Variants in HLF observed in about 807,000 individuals in gnomAD.
HLF encodes the protein HLF transcription factor, PAR bZIP family member.
A neutral mutation model predicts 22.6 loss-of-function variants in HLF; 3 were observed. The observed-to-expected ratio is 0.13, with a 90% confidence interval of 0.06 to 0.34. HLF has a LOEUF of 0.34. HLF is among the 10% of genes least tolerant of loss of function. The pLI, the probability that HLF is intolerant of heterozygous loss-of-function variation, is 1.00. For missense variants in HLF, 299 were observed against 389.2 expected, an observed-to-expected ratio of 0.77 and a Z score of 1.95; for synonymous variants, 151 against 151.8, an observed-to-expected ratio of 0.99 and a Z score of 0.04.
At chr17:55,271,597 T>C (rs1821148166) in intron 2 of HLF, 2 of 152,228 alleles carry the variant, frequency 1.3e-5, no homozygotes, top group Admixed American at 1.3e-4. Context: ...TGACACAATC[T>C]TGGCTCGCTG....
intron 2 of HLF, among the ~76,000 whole-genome samples, chr17:55,278,380 G>T (rs1484590078): frequency 6.6e-6 from 1 of 152,166 alleles, no homozygotes; most frequent in Non-Finnish European, 1.5e-5. Context: ...ATTAGCTCTG[G>T]GTAACAGTCT....
At position 55,314,591 on chromosome 17, in the gene HLF, T is replaced by C. The variant is rs747095079; in HGVS notation, c.452-636T>C. Among the ~76,000 whole-genome samples, 17 of 152,300 alleles carry C rather than the reference T, an allele frequency of 1.1e-4. No homozygotes were observed. The East Asian group carries it at 2.9e-3, about 26-fold the overall frequency. ...GTGCTTGCACCTCTCCCCACTCTGT[T>C]TTCTTCTGATTCAATGTGACAGCTA... is the stretch of plus-strand genomic sequence containing the variant. On this transcript the variant is annotated intron_variant, in intron 2 of 3. Transcript: ENST00000226067.
At chr17:55,274,128 G>GA (rs910353618) in intron 2 of HLF, among the ~76,000 whole-genome samples, 2 of 151,988 alleles carry the variant, frequency 1.3e-5, no homozygotes, top group African/African-American at 4.8e-5. Context: ...GAGGTGGGAA[G>GA]AAAAAAACCC....
intron 2 of HLF, among the ~76,000 whole-genome samples, chr17:55,270,878 G>A (rs375577437): frequency 3.2e-4 from 48 of 152,046 alleles, no homozygotes; most frequent in African/African-American, 9.2e-4. Context: ...GCCTGACCTC[G>A]TGATCCGCCC....
chr17:55,287,337 G>C (rs1304499605), intron 2 of HLF, among the ~76,000 whole-genome samples: 1 of 152,174 alleles, frequency 6.6e-6, no homozygotes, highest in Non-Finnish European at 1.5e-5. Flanking sequence ...TCTCATAGTT[G>C]ATGATTGAGA....
At chr17:55,286,996 T>A (rs58075230) in intron 2 of HLF, among the ~76,000 whole-genome samples, 20,803 of 152,170 alleles carry the variant, frequency 0.14, 1,847 homozygotes, top group East Asian at 0.33. Context: ...CCATTCCACC[T>A]GTCTCAGAAA....
chr17:55,265,501 G>C lies in HLF; in HGVS notation c.17G>C (p.Arg6Pro). Residue 6 changes from arginine (R) to proline (P), a missense_variant, in exon 1 of 4, where the codon CGA becomes CCA. Transcript: ENST00000226067. MEKMS[R>P]PLPLNPTFIP... ...TGCATCGCGATGGAGAAAATGTCCC[G>C]ACCGCTCCCCCTGAATCCCACCTTT... 3.7e-6 allele frequency: 6 copies of C among 1,606,376 alleles called. No homozygotes were observed. Among genetic ancestry groups the C allele is most frequent in the Non-Finnish European group, 4.3e-6 (5 of 1,175,384 alleles).
intron 2 of HLF, among the ~76,000 whole-genome samples, chr17:55,274,522 A>G (rs2080888003): frequency 6.6e-6 from 1 of 152,216 alleles, no homozygotes; most frequent in South Asian, 2.1e-4. Flanking sequence ...CACCATGCAC[A>G]ATGTCTGTCA....
intron 2 of HLF, among the ~76,000 whole-genome samples, chr17:55,293,631 G>A (rs937899864): frequency 6.6e-6 from 1 of 152,140 alleles, no homozygotes; most frequent in African/African-American, 2.4e-5. Context: ...TATTATTGTC[G>A]TTTTACAGAT....
chr17:55,325,143 G>T lies in HLF; in HGVS notation c.*4264G>T, dbSNP rs1905420939. The T allele has an allele frequency of 1.1e-5, 2 of 183,744 alleles. No homozygotes were observed. The highest frequency in any genetic ancestry group is 2.0e-4 in the South Asian group (1 of 5,086). 11.4% of individuals were successfully genotyped at this position (183,744 alleles called of 1,614,324 possible). A position where few individuals can be genotyped will look rare whatever the true frequency, so the allele number is the denominator to read the frequency against. On this transcript the variant is annotated 3_prime_UTR_variant, in exon 4 of 4. Transcript: ENST00000226067. The stretch of plus-strand genomic sequence containing the variant: ...CGGTAGCAAAGAGACCATTTGTAGA[G>T]ATTATTACCTAGATAATAAAATGAT...
intron 2 of HLF, among the ~76,000 whole-genome samples, chr17:55,268,305 C>T (rs995281874): frequency 3.3e-5 from 5 of 152,086 alleles, no homozygotes; most frequent in South Asian, 2.1e-4. Context: ...TTGTATCTAC[C>T]CCTAGAAATT....
intron 2 of HLF, among the ~76,000 whole-genome samples, chr17:55,313,799 G>A (rs1598409027): frequency 6.6e-6 from 1 of 151,998 alleles, no homozygotes; most frequent in East Asian, 1.9e-4. Context: ...GCACCTCAGG[G>A]CCCATCTCTT....
At chr17:55,304,008 T>TG (rs1305354838) in intron 2 of HLF, among the ~76,000 whole-genome samples, 1 of 152,172 alleles carries the variant, frequency 6.6e-6, no homozygotes, top group Non-Finnish European at 1.5e-5. Flanking sequence ...TTTAAGTCTT[T>TG]GGGGCATGGT....
chr17:55,299,693 G>T (rs932784918), intron 2 of HLF, among the ~76,000 whole-genome samples: 5 of 152,188 alleles, frequency 3.3e-5, no homozygotes, highest in Non-Finnish European at 5.9e-5. Flanking sequence ...TCCCACCTTA[G>T]CCTCCCAAGT....
rs540752789 is a variant in HLF, at chr17:55,267,664, A to G, written c.116-87A>G. On this transcript the variant is annotated intron_variant, in intron 1 of 3. Transcript: ENST00000226067. ...CCTGCCATTCGTGAGAAATAGTCTT[A>G]TAACAGGCCAGGAAAAGTGATAAAA... 152 of 925,598 alleles carry G rather than the reference A, an allele frequency of 1.6e-4. No homozygotes were observed. In the African/African-American group the frequency reaches 2.2e-3, roughly 13 times the overall value. The allele number at this position is 925,598 out of a possible 1,614,324, so 57.3% of individuals were successfully genotyped here. A position where few individuals can be genotyped will look rare whatever the true frequency, so the allele number is the denominator to read the frequency against.
intron 2 of HLF, chr17:55,289,117 G>A (rs1383169601): frequency 1.2e-5 from 2 of 171,092 alleles, no homozygotes; most frequent in African/African-American, 2.4e-5. Context: ...CATGTGGCAT[G>A]TCAGGGTATA....
At position 55,321,883 on chromosome 17, in the gene HLF, C is replaced by G. The variant is rs1905273609; in HGVS notation, c.*1004C>G. The G allele has an allele frequency of 8.6e-6, 2 of 231,800 alleles. No homozygotes were observed. Among genetic ancestry groups the G allele is most frequent in the East Asian group, 1.2e-4 (2 of 16,254 alleles). 14.4% of individuals were successfully genotyped at this position (231,800 alleles called of 1,614,324 possible). On this transcript the variant is annotated 3_prime_UTR_variant, in exon 4 of 4. Coordinates refer to ENST00000226067, the MANE Select transcript of HLF (RefSeq NM_002126.5). The stretch of plus-strand genomic sequence containing the variant: ...TTGTTCCCCTTCCCTCACACCCTGC[C>G]TCGCCCCCACTTTTCTAGTTAACTT...
rs538818871 is a variant in HLF, at chr17:55,323,397, C to G, written c.*2518C>G. ...GTGGAAGGATTGTAACATGGACCATCCAAATTTATGGCCGTATCAAATGGT... is the reference window on the plus strand; with the variant it reads ...GTGGAAGGATTGTAACATGGACCATGCAAATTTATGGCCGTATCAAATGGT... On this transcript the variant is annotated 3_prime_UTR_variant, in exon 4 of 4. Coordinates refer to ENST00000226067, the MANE Select transcript of HLF (RefSeq NM_002126.5). 1 of 215,360 alleles carries G rather than the reference C, an allele frequency of 4.6e-6. No homozygotes were observed. The highest frequency in any genetic ancestry group is 7.0e-5 in the East Asian group (1 of 14,382). 13.3% of individuals were successfully genotyped at this position (215,360 alleles called of 1,614,324 possible).
intron 2 of HLF, among the ~76,000 whole-genome samples, chr17:55,292,915 T>G (rs189895866): frequency 6.6e-6 from 1 of 152,348 alleles, no homozygotes; most frequent in Admixed American, 6.5e-5. Context: ...TTGTATGTTC[T>G]TATTCAAATT....
Sources: gnomAD v4.1 joint callset for allele counts (sites outside exome capture counted in the v4.1 genomes callset) on GRCh38, gnomAD v4.1.1 for gene constraint, MANE v1.5 for transcripts, NCBI Gene and HGNC (gene_info 2026-07-23, HGNC 2026-07-21) for gene names.